The following ZFAND4 variants were observed in gnomAD, a reference collection of about 807,000 sequenced individuals.
The protein encoded by ZFAND4 is zinc finger AN1-type containing 4.
A neutral mutation model predicts 64.4 loss-of-function variants in ZFAND4; 43 were observed. The observed-to-expected ratio is 0.67, with a 90% confidence interval of 0.52 to 0.86. The LOEUF is 0.86. Ranked by LOEUF, ZFAND4 falls within the 40% of genes least tolerant of loss-of-function variation. ZFAND4 has a pLI of 0.00. For missense variants in ZFAND4, 929 were observed against 859.8 expected (o/e 1.08, Z -1.01); for synonymous variants, 296 against 305.7 (o/e 0.97, Z 0.33).
In ZFAND4 at chr10:45,627,722, G is replaced by C. The variant is rs574015301; in HGVS notation, c.718-617C>G. Among the ~76,000 whole-genome samples the C allele has an allele frequency of 7.9e-5, 12 of 152,286 alleles. No individual in the cohort carries two copies. The South Asian group carries it at 8.3e-4, about 11-fold the overall frequency. On this transcript the variant is annotated intron_variant, in intron 6 of 9. Coordinates refer to ENST00000344646, the MANE Select transcript of ZFAND4 (RefSeq NM_174890.4). Reference sequence around the variant, plus strand: ...GTCTGAACCGCAAATGCTAGGCAGAGGGTGCCTACAATGAAGAGGCCCAGT... The same window carrying C: ...GTCTGAACCGCAAATGCTAGGCAGACGGTGCCTACAATGAAGAGGCCCAGT...
intron 6 of ZFAND4, among the ~76,000 whole-genome samples, chr10:45,629,740 G>A (rs573422485): frequency 5.8e-4 from 89 of 152,184 alleles, no homozygotes; most frequent in Non-Finnish European, 2.9e-4. Context: ...GCAGGAGCCC[G>A]TAGTCCCAGC....
chr10:45,640,108 T>C (rs1015518142), intron 5 of ZFAND4, 145 bp from the exon 6 acceptor site: 1 of 1,288,796 alleles, frequency 7.8e-7, no homozygotes, highest in Non-Finnish European at 1.0e-6. Flanking sequence ...GGAAAATATA[T>C]TTCAAAGAAT....
chr10:45,615,584 A>T lies in ZFAND4; in HGVS notation c.*852T>A, dbSNP rs1194722097. 1 of 151,996 alleles carries T rather than the reference A, an allele frequency of 6.6e-6. No individual in the cohort carries two copies. Among genetic ancestry groups the T allele is most frequent in the Non-Finnish European group, 1.5e-5 (1 of 67,978 alleles). The allele number at this position is 151,996 out of a possible 1,614,324, so 9.4% of individuals were successfully genotyped here. ...AAAAGAAAAACTATTATAAATAAAT[A>T]ATGAAATTCATAATGAAATTGAATA... On this transcript the variant is annotated 3_prime_UTR_variant, in exon 10 of 10. Coordinates refer to ENST00000344646, the MANE Select transcript of ZFAND4 (RefSeq NM_174890.4).
At chr10:45,671,738 G>A (rs965335377) in intron 1 of ZFAND4, among the ~76,000 whole-genome samples, 1 of 151,578 alleles carries the variant, frequency 6.6e-6, no homozygotes, top group African/African-American at 2.4e-5. Context: ...TATAAATGAC[G>A]AGTTAGTCGG....
chr10:45,625,473 C>CA (rs1195950172), intron 7 of ZFAND4, among the ~76,000 whole-genome samples: 2,415 of 51,070 alleles, frequency 0.047, 60 homozygotes, highest in African/African-American at 0.066. Flanking sequence ...GACTCCGTCT[C>CA]AAAAAAAAAA....
chr10:45,659,189 G>T (rs2048318360), intron 2 of ZFAND4, among the ~76,000 whole-genome samples: 1 of 152,186 alleles, frequency 6.6e-6, no homozygotes, highest in Non-Finnish European at 1.5e-5. Context: ...GAAGTTGAAG[G>T]AGGGGAGAAG....
intron 4 of ZFAND4, chr10:45,648,895 CT>C (rs2047572762): frequency 1.0e-6 from 1 of 958,100 alleles, no homozygotes; most frequent in Non-Finnish European, 1.2e-6. Context: ...TTACTATATA[CT>C]TTCTGCTCCC....
At chr10:45,659,341 C>A (rs185316582) in intron 2 of ZFAND4, among the ~76,000 whole-genome samples, 1 of 152,078 alleles carries the variant, frequency 6.6e-6, no homozygotes, top group African/African-American at 2.4e-5. Context: ...TGGATTACAA[C>A]GGAAAGAATT....
intron 6 of ZFAND4, among the ~76,000 whole-genome samples, chr10:45,636,577 T>A (rs114998769): frequency 5.7e-4 from 87 of 151,944 alleles, no homozygotes; most frequent in African/African-American, 1.7e-3. Flanking sequence ...GTGGAGATTG[T>A]AGTGAGCCAA....
chr10:45,667,630 G>A (rs998753508), intron 1 of ZFAND4, among the ~76,000 whole-genome samples: 16 of 151,828 alleles, frequency 1.1e-4, no homozygotes, highest in Admixed American at 7.9e-4. Context: ...CACCACACCA[G>A]GCAAATTTTT....
chr10:45,639,277 A>G (rs2046833256), intron 6 of ZFAND4, among the ~76,000 whole-genome samples: 1 of 152,220 alleles, frequency 6.6e-6, no homozygotes, highest in Admixed American at 6.5e-5. Context: ...CCCAATAAAC[A>G]TATGAAAGGT....
At chr10:45,625,082 C>T (rs777584246) in intron 7 of ZFAND4, among the ~76,000 whole-genome samples, 50 of 149,580 alleles carry the variant, frequency 3.3e-4, no homozygotes, top group Non-Finnish European at 4.6e-4. Context: ...GAGACTGAGG[C>T]GGGAGGATTG....
chr10:45,643,754 T>C (rs1403980019), intron 5 of ZFAND4, among the ~76,000 whole-genome samples: 1 of 151,840 alleles, frequency 6.6e-6, no homozygotes, highest in East Asian at 1.9e-4. Flanking sequence ...TGATGCTGCA[T>C]TTTGTATCAG....
rs1053985344 is a variant in ZFAND4, at chr10:45,672,647, C to T, written c.-515G>A. On this transcript the variant is annotated 5_prime_UTR_variant, in exon 1 of 10. Coordinates refer to ENST00000344646, the MANE Select transcript of ZFAND4 (RefSeq NM_174890.4). The stretch of plus-strand genomic sequence containing the variant: ...TCAGCGGCTCGCAGCCCGGGCGCCC[C>T]CCCTGCCGGCCGCTCGCTAGCTCAG... The T allele has an allele frequency of 6.6e-6, 1 of 151,928 alleles. No homozygotes were observed. The highest frequency in any genetic ancestry group is 1.5e-5 in the Non-Finnish European group (1 of 67,950). 9.4% of individuals were successfully genotyped at this position (151,928 alleles called of 1,614,324 possible).
At chr10:45,635,962 TCTTTCAAC>T (rs1489399472) in intron 6 of ZFAND4, among the ~76,000 whole-genome samples, 2 of 152,186 alleles carry the variant, frequency 1.3e-5, no homozygotes, top group East Asian at 3.8e-4. Flanking sequence ...ATGGTAAAAT[TCTTTCAAC>T]CTTACTGTAT....
intron 2 of ZFAND4, among the ~76,000 whole-genome samples, chr10:45,661,143 G>C (rs1451502793): frequency 2.0e-5 from 3 of 152,024 alleles, no homozygotes; most frequent in African/African-American, 7.3e-5. Flanking sequence ...GGATCACTCT[G>C]CTAAGCACTT....
chr10:45,626,713 A>G lies in ZFAND4; in HGVS notation c.1110T>C (p.Phe370=). ...GSSLPRQTKH[F]LGNLPSSNGN... The stretch of plus-strand genomic sequence containing the variant: ...CATTACTAGATGGCAAGTTTCCTAA[A>G]AAATGTTTTGTTTGCCTAGGCAGGG... Residue 370 remains phenylalanine (F), a synonymous_variant, in exon 7 of 10, where the codon TTT becomes TTC. Coordinates refer to ENST00000344646, the MANE Select transcript of ZFAND4 (RefSeq NM_174890.4). 6.2e-7 allele frequency: 1 copy of G among 1,614,214 alleles called. No homozygotes were observed. Among genetic ancestry groups the G allele is most frequent in the Admixed American group, 1.7e-5 (1 of 60,028 alleles).
chr10:45,659,715 T>C (rs1215109101), intron 2 of ZFAND4, among the ~76,000 whole-genome samples: 1 of 151,750 alleles, frequency 6.6e-6, no homozygotes, highest in Non-Finnish European at 1.5e-5. Context: ...TGCTAAGAAA[T>C]CTAATGGAAA....
intron 6 of ZFAND4, among the ~76,000 whole-genome samples, chr10:45,636,354 G>A (rs2046593542): frequency 6.6e-6 from 1 of 152,066 alleles, no homozygotes. Flanking sequence ...TTTGAAACTG[G>A]TCTAGGCGCA....
Sources: gnomAD v4.1 joint callset for allele counts (sites outside exome capture counted in the v4.1 genomes callset) on GRCh38, gnomAD v4.1.1 for gene constraint, MANE v1.5 for transcripts, NCBI Gene and HGNC (gene_info 2026-07-23, HGNC 2026-07-21) for gene names.